The following FRMPD4 variants were observed in gnomAD, a reference collection of about 807,000 sequenced individuals.
FRMPD4 encodes FERM and PDZ domain containing 4, also known as FERM and PDZ domain-containing protein 4.
FRMPD4 carries 22 observed loss-of-function variants against 94.1 expected under a neutral mutation model. The ratio of observed to expected loss-of-function variants is 0.23; its 90% confidence interval spans 0.17 to 0.33. The LOEUF (loss-of-function observed/expected upper bound fraction) is 0.33, where lower values mean the gene tolerates loss of function less well. FRMPD4 is among the 10% of genes least tolerant of loss of function. The pLI, the probability that FRMPD4 is intolerant of heterozygous loss-of-function variation, is 1.00. For missense variants in FRMPD4, 1,111 were observed against 1,339.9 expected, an observed-to-expected ratio of 0.83 and a Z score of 2.67; for synonymous variants, 631 against 548.6, an observed-to-expected ratio of 1.15 and a Z score of -2.10.
chrX:11,874,037 C>A (rs1265693404), intron 2 of FRMPD4, among the ~76,000 whole-genome samples: 1 of 112,004 alleles, frequency 8.9e-6, no homozygotes, highest in African/African-American at 3.2e-5. Flanking sequence ...CAAGGTGAAA[C>A]TCTGTCTCAA....
Position 12,369,953 on chromosome X carries a change from C to T in FRMPD4, c.42-128727C>T, listed in dbSNP as rs1002422796. ...TAATATATATATTTTACGTTTCATA[C>T]GTATATATGCTTTTTGCCTCCTCTC... On this transcript the variant is annotated intron_variant, in intron 1 of 16. Transcript: ENST00000675598. Among the ~76,000 whole-genome samples the T allele has an allele frequency of 6.3e-5, 7 of 111,907 alleles. No individual in the cohort carries two copies. The East Asian group carries it at 8.3e-4, about 13-fold the overall frequency.
chrX:12,158,695 T>C (rs973495065), intron 1 of FRMPD4, among the ~76,000 whole-genome samples: 1 of 112,328 alleles, frequency 8.9e-6, no homozygotes, highest in African/African-American at 3.2e-5. Flanking sequence ...TCATTTATTC[T>C]CATTGCTGTA....
intron 5 of FRMPD4, among the ~76,000 whole-genome samples, chrX:12,679,057 C>T (rs1183849307): frequency 1.8e-5 from 2 of 112,303 alleles, no homozygotes; most frequent in Non-Finnish European, 3.8e-5. Flanking sequence ...CTCATGGAAA[C>T]CCCAGTGTAG....
At chrX:12,330,854 G>A (rs1435098702) in intron 1 of FRMPD4, among the ~76,000 whole-genome samples, 2 of 111,760 alleles carry the variant, frequency 1.8e-5, no homozygotes, top group South Asian at 3.7e-4. Context: ...ATCCACACTC[G>A]CTAGGGCTAG....
intron 1 of FRMPD4, among the ~76,000 whole-genome samples, chrX:12,498,434 T>C (rs970242822): frequency 1.8e-5 from 2 of 111,527 alleles, no homozygotes; most frequent in Non-Finnish European, 3.8e-5. Context: ...AGTTACTTCC[T>C]CTTTCTTCTT....
At chrX:12,032,090 T>G (rs1431821256) in intron 3 of FRMPD4, among the ~76,000 whole-genome samples, 1 of 111,542 alleles carries the variant, frequency 9.0e-6, no homozygotes, top group Non-Finnish European at 1.9e-5. Context: ...ATATACAAAA[T>G]AAACATGCAT....
chrX:12,343,702 G>T (rs1379656978), intron 1 of FRMPD4, among the ~76,000 whole-genome samples: 1 of 111,433 alleles, frequency 9.0e-6, no homozygotes, highest in Non-Finnish European at 1.9e-5. Flanking sequence ...TCTCATATCA[G>T]CGTTTTTTAC....
chrX:11,896,388 G>A (rs745541028), intron 3 of FRMPD4, among the ~76,000 whole-genome samples: 1 of 111,156 alleles, frequency 9.0e-6, no homozygotes, highest in South Asian at 3.8e-4. Context: ...ATGGTGTTAC[G>A]AGGTGGGGTC....
At chrX:11,893,938 C>A (rs1429908630) in intron 3 of FRMPD4, among the ~76,000 whole-genome samples, 1 of 112,036 alleles carries the variant, frequency 8.9e-6, no homozygotes, top group Non-Finnish European at 1.9e-5. Flanking sequence ...AGGGATTCTG[C>A]AGGTGCAATT....
intron 4 of FRMPD4, among the ~76,000 whole-genome samples, chrX:12,664,917 C>G (rs956149252): frequency 3.6e-5 from 4 of 111,621 alleles, no homozygotes; most frequent in Non-Finnish European, 7.5e-5. Flanking sequence ...CGACATCTTC[C>G]TGGTTTAGTC....
intron 1 of FRMPD4, among the ~76,000 whole-genome samples, chrX:12,475,068 A>G: frequency 8.9e-6 from 1 of 111,974 alleles, no homozygotes; most frequent in Non-Finnish European, 1.9e-5. Context: ...CCTCAATAAA[A>G]TACTGGCAAA....
chrX:12,401,469 T>C (rs1001435192), intron 1 of FRMPD4, among the ~76,000 whole-genome samples: 1 of 111,470 alleles, frequency 9.0e-6, no homozygotes, highest in Admixed American at 9.6e-5. Context: ...CTAATAGTTT[T>C]TGGCTTGTGT....
intron 3 of FRMPD4, among the ~76,000 whole-genome samples, chrX:11,897,442 G>A (rs754252449): frequency 1.8e-5 from 2 of 111,698 alleles, no homozygotes; most frequent in East Asian, 5.6e-4. Flanking sequence ...GGAGAAAAGG[G>A]TGGGGGTATG....
At chrX:12,505,698 G>C (rs1421013422) in intron 2 of FRMPD4, among the ~76,000 whole-genome samples, 1 of 88,960 alleles carries the variant, frequency 1.1e-5, no homozygotes, top group African/African-American at 4.4e-5. Context: ...TTGCACTCCA[G>C]CCTGGGCAAC....
intron 3 of FRMPD4, among the ~76,000 whole-genome samples, chrX:12,076,327 C>CGTGTGTGTGTGTGTGTGTGTGT (rs34558552): frequency 1.0e-5 from 1 of 98,129 alleles, no homozygotes; most frequent in African/African-American, 3.8e-5. Flanking sequence ...CCTAGCAAAA[C>CGTGTGTGTGTGTGTGTGTGTGT]GTGTGTGTGT....
At chrX:12,540,496 C>T (rs1026440233) in intron 2 of FRMPD4, among the ~76,000 whole-genome samples, 1 of 111,444 alleles carries the variant, frequency 9.0e-6, no homozygotes, top group African/African-American at 3.3e-5. Context: ...AAAAAGCAGG[C>T]CATTACATAA....
At chrX:12,443,690 G>T (rs1170564816) in intron 1 of FRMPD4, among the ~76,000 whole-genome samples, 1 of 111,651 alleles carries the variant, frequency 9.0e-6, no homozygotes, top group Non-Finnish European at 1.9e-5. Flanking sequence ...ATGAAAACAT[G>T]GTTTCATTGG....
intron 1 of FRMPD4, among the ~76,000 whole-genome samples, chrX:12,281,131 G>A (rs749321430): frequency 1.3e-4 from 15 of 112,071 alleles, no homozygotes; most frequent in Non-Finnish European, 2.1e-4. Flanking sequence ...ACTTTCAGTC[G>A]TGAGTGTTCA....
Position 12,486,882 on chromosome X carries a change from T to C in FRMPD4, c.42-11798T>C, listed in dbSNP as rs16986917. On this transcript the variant is annotated intron_variant, in intron 1 of 16. Transcript: ENST00000675598. ...ATAACATGCCTATCATTGGAGCAGA[T>C]GGATTGAAAAAATATCAATGAACTC... Among the ~76,000 whole-genome samples, 613 of 111,981 alleles carry C rather than the reference T, an allele frequency of 5.5e-3. 5 individuals carry two copies. The highest frequency in any genetic ancestry group is 0.019 in the African/African-American group (601 of 30,879).
Sources: gnomAD v4.1 joint callset for allele counts (sites outside exome capture counted in the v4.1 genomes callset) on GRCh38, gnomAD v4.1.1 for gene constraint, MANE v1.5 for transcripts, NCBI Gene and HGNC (gene_info 2026-07-23, HGNC 2026-07-21) for gene names.